The following LIX1L variants were observed in gnomAD, a reference collection of about 807,000 sequenced individuals.
LIX1L encodes the protein LIX1-like protein.
Under a neutral mutation model 34.0 loss-of-function variants are expected in LIX1L, and 20 were observed. The ratio of observed to expected loss-of-function variants is 0.59; its 90% CI spans 0.41 to 0.85. The LOEUF is 0.85. Ranked by LOEUF, LIX1L falls within the 40% of genes least tolerant of loss-of-function variation. The pLI is 0.00. For missense variants in LIX1L, 397 were observed against 447.0 expected (o/e 0.89, Z 1.01); for synonymous variants, 170 against 187.4 (o/e 0.91, Z 0.76).
intron 2 of LIX1L, 164 bp downstream of exon 2, chr1:145,947,455 A>G (rs1649153383): frequency 1.4e-5 from 10 of 690,378 alleles, no homozygotes; most frequent in Non-Finnish European, 2.5e-5. Context: ...CTGAGGTTCT[A>G]CTATGGTCAA....
At chr1:145,951,050 ATTTAT>A (rs1234405299) in intron 1 of LIX1L, among the ~76,000 whole-genome samples, 1 of 152,094 alleles carries the variant, frequency 6.6e-6, no homozygotes, top group Non-Finnish European at 1.5e-5. Flanking sequence ...CAAGCAAGGA[ATTTAT>A]TTTATTTTTG....
At chr1:145,949,664 T>C (rs75356904) in intron 1 of LIX1L, among the ~76,000 whole-genome samples, 4,447 of 150,972 alleles carry the variant, frequency 0.029, 255 homozygotes, top group African/African-American at 0.1. Flanking sequence ...AAATAACTAA[T>C]TAAAAAAAAA....
chr1:145,937,037 T>C (rs1559237436), intron 4 of LIX1L, 52 bp from the exon 5 acceptor site: 8 of 1,309,582 alleles, frequency 6.1e-6, no homozygotes, highest in South Asian at 2.4e-5. Flanking sequence ...TATTGGGAGG[T>C]TGCATCAGAA....
intron 2 of LIX1L, among the ~76,000 whole-genome samples, chr1:145,945,123 G>C (rs183572753): frequency 4.6e-5 from 7 of 151,858 alleles, no homozygotes; most frequent in Admixed American, 3.3e-4. Context: ...CTGAGGTCAG[G>C]AGTTCAAGAC....
intron 3 of LIX1L, among the ~76,000 whole-genome samples, chr1:145,938,805 C>T (rs1387294358): frequency 2.0e-5 from 3 of 152,062 alleles, no homozygotes; most frequent in Admixed American, 1.3e-4. Context: ...CCAGGCTGGT[C>T]CTGAACCCCT....
intron 4 of LIX1L, 94 bp downstream of exon 4, chr1:145,937,510 G>C (rs1553757987): frequency 2.7e-6 from 2 of 740,580 alleles, no homozygotes; most frequent in East Asian, 2.7e-5. Context: ...TTCTTTTCCA[G>C]TATCAATGAG....
chr1:145,957,215 A>G (rs587726443), intron 1 of LIX1L, among the ~76,000 whole-genome samples: 1 of 152,330 alleles, frequency 6.6e-6, no homozygotes, highest in South Asian at 2.1e-4. Flanking sequence ...TTAACAGGTG[A>G]GTCCAGGAAT....
intron 2 of LIX1L, among the ~76,000 whole-genome samples, chr1:145,946,613 C>T (rs1570968010): frequency 6.6e-6 from 1 of 152,198 alleles, no homozygotes; most frequent in Non-Finnish European, 1.5e-5. Flanking sequence ...ATTCATGCAA[C>T]AGACGTATTA....
chr1:145,936,950 A>G lies in LIX1L; in HGVS notation c.729T>C (p.Asn243=), dbSNP rs1553757902. 2.5e-6 allele frequency: 4 copies of G among 1,613,600 alleles called. No individual in the cohort carries two copies. Among genetic ancestry groups the G allele is most frequent in the South Asian group, 2.2e-5 (2 of 91,076 alleles). The change falls in exon 5 of 6, where the codon AAT becomes AAC. Residue 243 remains asparagine (N), a synonymous_variant. Coordinates refer to ENST00000604000, the MANE Select transcript of LIX1L (RefSeq NM_153713.3). Reference sequence around the variant, plus strand: ...GTTCCCTCATGGCCTTAAGGCTGCCATTCCAGTGTAGCAGTTGAAAAACTG... The same window carrying G: ...GTTCCCTCATGGCCTTAAGGCTGCCGTTCCAGTGTAGCAGTTGAAAAACTG... ...LMTVFQLLHW[N]GSLKAMRERQ...
Position 145,936,278 on chromosome 1 carries a change from T to C in LIX1L, c.*32A>G. On this transcript the variant is annotated 3_prime_UTR_variant, in exon 6 of 6. Transcript: ENST00000604000. ...AGAAAGGAGACATAAAAAAAGGCTGTGGAAAGCCTGGGGAGTTATGTGGGT... is the reference window on the plus strand; with the variant it reads ...AGAAAGGAGACATAAAAAAAGGCTGCGGAAAGCCTGGGGAGTTATGTGGGT... 4 of 1,605,760 alleles carry C rather than the reference T, an allele frequency of 2.5e-6. No homozygotes were observed. The highest frequency in any genetic ancestry group is 3.4e-6 in the Non-Finnish European group (4 of 1,174,552).
chr1:145,947,910 A>C lies in LIX1L; in HGVS notation c.293-128T>G. 4 of 724,220 alleles carry C rather than the reference A, an allele frequency of 5.5e-6. 1 individual carries two copies. Among genetic ancestry groups the C allele is most frequent in the Non-Finnish European group, 9.0e-6 (4 of 445,442 alleles). The allele number at this position is 724,220 out of a possible 1,614,324, so 44.9% of individuals were successfully genotyped here. On this transcript the variant is annotated intron_variant, in intron 1 of 5. Coordinates refer to ENST00000604000, the MANE Select transcript of LIX1L (RefSeq NM_153713.3). Reference sequence around the variant, plus strand: ...GCCCCTTAGCTCCCTACCTATCGCCATTGAAAAGCATTTAAGTTAATAAAC... The same window carrying C: ...GCCCCTTAGCTCCCTACCTATCGCCCTTGAAAAGCATTTAAGTTAATAAAC...
In LIX1L at chr1:145,936,344, C is replaced by A; in HGVS notation, c.980G>T (p.Gly327Val). 2 of 1,614,064 alleles carry A rather than the reference C, an allele frequency of 1.2e-6. No homozygotes were observed. Among genetic ancestry groups the A allele is most frequent in the South Asian group, 1.1e-5 (1 of 91,078 alleles). ...EKKDILVLAA[G>V]QLGNMHSSNC The stretch of plus-strand genomic sequence containing the variant: ...GGAAGAATGCATATTGCCCAACTGC[C>A]CAGCAGCCAGCACAAGAATATCTTT... The change falls in exon 6 of 6, where the codon GGG becomes GTG. Residue 327 changes from glycine to valine, a missense_variant. Physicochemically the swap from Gly to Val is moderately radical, Grantham distance 109 (BLOSUM62 -3). Coordinates refer to ENST00000604000, the MANE Select transcript of LIX1L (RefSeq NM_153713.3).
At chr1:145,952,381 A>C (rs1649327021) in intron 1 of LIX1L, among the ~76,000 whole-genome samples, 1 of 152,226 alleles carries the variant, frequency 6.6e-6, no homozygotes, top group Non-Finnish European at 1.5e-5. Context: ...AGGATGGCTA[A>C]AGAACAGTGA....
chr1:145,937,171 TTTAC>T lies in LIX1L; in HGVS notation c.694-190_694-187del, dbSNP rs369258322. Among the ~76,000 whole-genome samples the T allele has an allele frequency of 9.6e-3, 780 of 81,108 alleles. 10 individuals are homozygous for T. The highest frequency in any genetic ancestry group is 0.033 in the South Asian group (91 of 2,758). The allele number at this position is 81,108 out of a possible 152,430, so 53.2% of individuals were successfully genotyped here. On this transcript the variant is annotated intron_variant, in intron 4 of 5. Transcript: ENST00000604000. ...ATTTATTTATTTATTTATTTATTTA[TTTAC>T]TTACTTACTTACTTATTTGAGACAG...
rs1648516348 is a variant in LIX1L, at chr1:145,933,771, T to TG, written c.*2538dup. On this transcript the variant is annotated 3_prime_UTR_variant, in exon 6 of 6. Coordinates refer to ENST00000604000, the MANE Select transcript of LIX1L (RefSeq NM_153713.3). ...CGACGTGTTTCATGGAATACAAACA[T>TG]GGGGCTTCTACCCCAGCTCTCTTCT... 1 of 151,708 alleles carries TG rather than the reference T, an allele frequency of 6.6e-6. No individual in the cohort carries two copies. The highest frequency in any genetic ancestry group is 2.1e-4 in the South Asian group (1 of 4,808). 9.4% of individuals were successfully genotyped at this position (151,708 alleles called of 1,614,324 possible).
intron 1 of LIX1L, among the ~76,000 whole-genome samples, chr1:145,951,276 A>G (rs1336504723): frequency 1.3e-5 from 2 of 151,966 alleles, no homozygotes; most frequent in Non-Finnish European, 2.9e-5. Context: ...CAAACTCCTG[A>G]CCTTAGGTGA....
At chr1:145,951,909 T>A (rs1306269027) in intron 1 of LIX1L, among the ~76,000 whole-genome samples, 1 of 152,228 alleles carries the variant, frequency 6.6e-6, no homozygotes, top group Admixed American at 6.5e-5. Context: ...TAATGATTAC[T>A]CAAGGCCAAG....
At chr1:145,956,362 T>C (rs1649473956) in intron 1 of LIX1L, among the ~76,000 whole-genome samples, 1 of 152,190 alleles carries the variant, frequency 6.6e-6, no homozygotes, top group African/African-American at 2.4e-5. Context: ...GTGAAGCATG[T>C]TCTACTTAAG....
intron 1 of LIX1L, 50 bp from the exon 2 acceptor site, chr1:145,947,832 G>T: frequency 1.3e-6 from 2 of 1,556,244 alleles, no homozygotes; most frequent in Non-Finnish European, 1.8e-6. Flanking sequence ...ACACCTCCAC[G>T]TGGTGCTATA....
Sources: gnomAD v4.1 joint callset for allele counts (sites outside exome capture counted in the v4.1 genomes callset) on GRCh38, gnomAD v4.1.1 for gene constraint, MANE v1.5 for transcripts, NCBI Gene and HGNC (gene_info 2026-07-23, HGNC 2026-07-21) for gene names.